RDH11: variants seen among roughly 807,000 people sequenced by gnomAD.
The protein encoded by RDH11 is retinol dehydrogenase 11, also known as HCV core-binding protein HCBP12.
In RDH11, 19 loss-of-function variants were observed where a neutral mutation model predicts 33.4. That is an observed-to-expected ratio of 0.57 (90% confidence interval 0.40 to 0.83). RDH11 has a LOEUF of 0.83. Among genes scored for constraint, RDH11 ranks in the 40% least tolerant of loss-of-function variants. RDH11 has a pLI of 0.00. For missense variants in RDH11, 353 were observed against 389.0 expected, an observed-to-expected ratio of 0.91 and a Z score of 0.78; for synonymous variants, 154 against 155.3, an observed-to-expected ratio of 0.99 and a Z score of 0.06.
At position 67,676,853 on chromosome 14, in the gene RDH11, CA is replaced by C. The variant is rs1040801018; in HGVS notation, c.*1467del. 1 of 151,900 alleles carries C rather than the reference CA, an allele frequency of 6.6e-6. No homozygotes were observed. The highest frequency in any genetic ancestry group is 1.9e-4 in the East Asian group (1 of 5,194). 9.4% of individuals were successfully genotyped at this position (151,900 alleles called of 1,614,324 possible). A position where few individuals can be genotyped will look rare whatever the true frequency, so the allele number is the denominator to read the frequency against. On this transcript the variant is annotated 3_prime_UTR_variant, in exon 7 of 7. Transcript: ENST00000381346. ...TAGTTTTTATTCTGGTAAATGAAAA[CA>C]AAAAATAATCAAAAAGAATTTTTAT...
chr14:67,694,246 G>A (rs1327313246), intron 1 of RDH11, among the ~76,000 whole-genome samples: 1 of 152,038 alleles, frequency 6.6e-6, no homozygotes, highest in Admixed American at 6.6e-5. Flanking sequence ...TCCCTCCTCA[G>A]AAAACAAGCC....
chr14:67,692,837 A>G, intron 2 of RDH11, 97 bp downstream of exon 2: 1 of 1,025,856 alleles, frequency 9.7e-7, no homozygotes, highest in Non-Finnish European at 1.5e-6. Context: ...GGTGTTCTTG[A>G]ATTCCAAAAC....
chr14:67,681,675 G>A (rs542742759), intron 6 of RDH11, among the ~76,000 whole-genome samples: 174 of 152,214 alleles, frequency 1.1e-3, no homozygotes, highest in Non-Finnish European at 2.0e-3. Flanking sequence ...CCAGCTACTC[G>A]GGAGGCTGAG....
intron 1 of RDH11, among the ~76,000 whole-genome samples, chr14:67,693,808 G>A (rs1317923691): frequency 2.6e-5 from 4 of 151,716 alleles, no homozygotes; most frequent in South Asian, 4.2e-4. Context: ...GCGCCACCAC[G>A]CCCAGCTAAT....
intron 6 of RDH11, among the ~76,000 whole-genome samples, chr14:67,680,615 C>T (rs562526566): frequency 3.3e-5 from 5 of 152,256 alleles, no homozygotes; most frequent in East Asian, 1.9e-4. Flanking sequence ...CACGCCACCA[C>T]GCCTGGCTAA....
rs950636987 is a variant in RDH11 at position 67,679,442 on chromosome 14, C to T, written c.855-1019G>A. Among the ~76,000 whole-genome samples the T allele has an allele frequency of 9.7e-5, 14 of 145,006 alleles. No homozygotes were observed. In the East Asian group the frequency reaches 1.8e-3, roughly 19 times the overall value. ...TTTTGGAGGCGGAGTCTCACTCTGT[C>T]GCCCAGGCTGGAGTGCAGTGATGCG... On this transcript the variant is annotated intron_variant, in intron 6 of 6. Coordinates refer to ENST00000381346, the MANE Select transcript of RDH11 (RefSeq NM_016026.4).
At chr14:67,680,027 C>T (rs2037595095) in intron 6 of RDH11, among the ~76,000 whole-genome samples, 1 of 152,198 alleles carries the variant, frequency 6.6e-6, no homozygotes, top group Admixed American at 6.5e-5. Flanking sequence ...GCACCACAAA[C>T]CAGCAGCAGG....
rs368984940 is a variant in RDH11, at chr14:67,681,474, T to A, written c.855-3051A>T. Among the ~76,000 whole-genome samples, 46 of 152,260 alleles carry A rather than the reference T, an allele frequency of 3.0e-4. 1 individual carries two copies. Among genetic ancestry groups the A allele is most frequent in the African/African-American group, 1.1e-3 (45 of 41,544 alleles). ...AAAAGAATGAAGGTTGACCCCTACCTCATATCATATACAAAAATTAGTTCA... is the reference window on the plus strand; with the variant it reads ...AAAAGAATGAAGGTTGACCCCTACCACATATCATATACAAAAATTAGTTCA... On this transcript the variant is annotated intron_variant, in intron 6 of 6. Coordinates refer to ENST00000381346, the MANE Select transcript of RDH11 (RefSeq NM_016026.4).
At chr14:67,692,869 AATC>A (rs2037768543) in intron 2 of RDH11, 62 bp downstream of exon 2, 2 of 1,144,264 alleles carry the variant, frequency 1.7e-6, no homozygotes, top group African/African-American at 1.5e-5. Flanking sequence ...AATGAGAATG[AATC>A]ATCATTACTG....
chr14:67,689,375 G>C (rs910626007), intron 5 of RDH11, among the ~76,000 whole-genome samples: 11 of 152,146 alleles, frequency 7.2e-5, no homozygotes, highest in Non-Finnish European at 2.9e-5. Context: ...ATCCAGAGTA[G>C]ACAGTGCTAA....
chr14:67,693,093 C>A, intron 1 of RDH11, 41 bp from the exon 2 acceptor site: 1 of 1,421,244 alleles, frequency 7.0e-7, no homozygotes, highest in Non-Finnish European at 9.8e-7. Context: ...CTTCATTCTA[C>A]TGTCTCAGCC....
intron 1 of RDH11, among the ~76,000 whole-genome samples, 190 bp downstream of exon 1, chr14:67,695,440 G>T (rs895220946): frequency 6.6e-6 from 1 of 152,218 alleles, no homozygotes; most frequent in African/African-American, 2.4e-5. Flanking sequence ...CTTTCTCACC[G>T]CCTGGGGTCT....
chr14:67,687,496 G>T (rs2037694458), intron 5 of RDH11, among the ~76,000 whole-genome samples: 1 of 117,238 alleles, frequency 8.5e-6, no homozygotes. Context: ...TTGAGATGGA[G>T]TTTCACTCTT....
At chr14:67,682,827 C>T (rs898702590) in intron 6 of RDH11, among the ~76,000 whole-genome samples, 1 of 152,154 alleles carries the variant, frequency 6.6e-6, no homozygotes, top group African/African-American at 2.4e-5. Context: ...AGTGCAAACC[C>T]AAATGCCCAT....
At chr14:67,682,112 A>T (rs1298787340) in intron 6 of RDH11, among the ~76,000 whole-genome samples, 1 of 152,196 alleles carries the variant, frequency 6.6e-6, no homozygotes, top group Non-Finnish European at 1.5e-5. Flanking sequence ...ACCATGAGCT[A>T]AGTAAATTTC....
intron 6 of RDH11, among the ~76,000 whole-genome samples, chr14:67,680,322 AAT>A (rs1391076003): frequency 6.6e-6 from 1 of 152,198 alleles, no homozygotes; most frequent in East Asian, 1.9e-4. Flanking sequence ...TCTCTCTGGA[AAT>A]GACTCAGCCT....
chr14:67,690,484 G>T, intron 4 of RDH11, 63 bp from the exon 5 acceptor site: 1 of 1,405,418 alleles, frequency 7.1e-7, no homozygotes, highest in Non-Finnish European at 1.0e-6. Context: ...GAGTCGTGGT[G>T]AGCAGGCCTC....
intron 2 of RDH11, 132 bp downstream of exon 2, chr14:67,692,802 G>C: frequency 2.3e-6 from 2 of 881,900 alleles, no homozygotes; most frequent in Non-Finnish European, 1.8e-6. Context: ...ACTAGTTTCA[G>C]ATCAGCAAAT....
At chr14:67,692,898 C>T (rs772528546) in intron 2 of RDH11, 36 bp downstream of exon 2, 4 of 1,347,872 alleles carry the variant, frequency 3.0e-6, no homozygotes, top group Non-Finnish European at 4.2e-6. Flanking sequence ...GGTAAAACAG[C>T]AGTAATAGGA....
Sources: allele counts gnomAD v4.1 joint callset (sites outside exome capture counted in the v4.1 genomes callset), GRCh38; gene constraint gnomAD v4.1.1; transcripts MANE v1.5; gene names NCBI Gene and HGNC (gene_info 2026-07-23, HGNC 2026-07-21).